The following GAS2 variants were observed in gnomAD, a reference collection of about 807,000 sequenced individuals.
The protein encoded by GAS2 is growth arrest-specific protein 2.
Under a neutral mutation model 37.5 loss-of-function variants are expected in GAS2, and 20 were observed. That is an observed-to-expected ratio of 0.53 (90% CI 0.37 to 0.77). The LOEUF (loss-of-function observed/expected upper bound fraction) is 0.77, where lower values mean the gene tolerates loss of function less well. GAS2 is among the 30% of genes least tolerant of loss of function. The probability of loss-of-function intolerance (pLI) is 0.00; values close to 1 mark genes in which losing one functional copy is unlikely to be tolerated. For missense variants in GAS2, 336 were observed against 373.4 expected (o/e 0.90, Z 0.82); for synonymous variants, 144 against 132.2 (o/e 1.09, Z -0.61).
chr11:22,730,944 GTTTTT>G (rs1554975645), intron 4 of GAS2, among the ~76,000 whole-genome samples: 7 of 151,652 alleles, frequency 4.6e-5, no homozygotes, highest in Non-Finnish European at 7.4e-5. Context: ...GATGTTGAGT[GTTTTT>G]ATGGGGCTAA....
intron 1 of GAS2, among the ~76,000 whole-genome samples, chr11:22,641,324 T>TTATATATATTTA (rs1453970402): frequency 2.1e-5 from 2 of 93,052 alleles, no homozygotes; most frequent in Non-Finnish European, 5.3e-5. Context: ...TTATATATCT[T>TTATATATATTTA]TATATATATA....
intron 3 of GAS2, chr11:22,702,697 A>G (rs1850909867): frequency 6.6e-6 from 1 of 152,122 alleles, no homozygotes; most frequent in South Asian, 2.1e-4. Flanking sequence ...GCAAAAAGCC[A>G]TTTCCCCAAT....
chr11:22,690,884 C>T (rs1850215999), intron 3 of GAS2, among the ~76,000 whole-genome samples: 1 of 152,164 alleles, frequency 6.6e-6, no homozygotes, highest in Non-Finnish European at 1.5e-5. Context: ...CCCCCACCCC[C>T]ACCAATCACA....
chr11:22,811,372 A>C (rs1480973691), intron 7 of GAS2, among the ~76,000 whole-genome samples: 2 of 152,178 alleles, frequency 1.3e-5, no homozygotes, highest in African/African-American at 4.8e-5. Flanking sequence ...TTAGCATTGT[A>C]ATTCAGTAGC....
At chr11:22,628,175 A>G (rs1035665939) in intron 1 of GAS2, among the ~76,000 whole-genome samples, 5 of 152,192 alleles carry the variant, frequency 3.3e-5, no homozygotes, top group African/African-American at 1.2e-4. Flanking sequence ...TTCAACCTAT[A>G]TTCTTGAGGC....
chr11:22,798,159 C>T (rs1031535223), intron 7 of GAS2, among the ~76,000 whole-genome samples: 9 of 151,984 alleles, frequency 5.9e-5, no homozygotes, highest in Non-Finnish European at 1.3e-4. Flanking sequence ...ATAATGCAAA[C>T]CACTTAGAGT....
rs527602842 is a variant in GAS2, at chr11:22,647,008, G to A, written c.-21+21195G>A. 2.4e-4 allele frequency among the ~76,000 whole-genome samples: 36 copies of A among 151,048 alleles called. No homozygotes were observed. The South Asian group carries it at 4.4e-3, about 18-fold the overall frequency. On this transcript the variant is annotated intron_variant, in intron 1 of 5. Transcript: ENST00000528582. ...ACATATGTATACATGTGCCATGCTG[G>A]TGCACTGCACCCACTAACTCGTCAT... is the stretch of plus-strand genomic sequence containing the variant.
chr11:22,663,453 G>A (rs1356029712), upstream of GAS2, among the ~76,000 whole-genome samples: 2 of 151,506 alleles, frequency 1.3e-5, no homozygotes, highest in East Asian at 1.9e-4. Context: ...AAGTAGATAA[G>A]ACAAATGGCA....
chr11:22,780,541 G>GAAAAAAAAAAAAAAAAACA (rs1855506473), intron 7 of GAS2, among the ~76,000 whole-genome samples: 1 of 126,532 alleles, frequency 7.9e-6, no homozygotes. Context: ...CTGGGCAACA[G>GAAAAAAAAAAAAAAAAACA]AGCAAGACTC....
At chr11:22,664,730 G>A (rs1590587498), upstream of GAS2, among the ~76,000 whole-genome samples, 1 of 152,116 alleles carries the variant, frequency 6.6e-6, no homozygotes, top group East Asian at 1.9e-4. Context: ...ATATCAGTGA[G>A]TGATCAGAAT....
At chr11:22,741,309 T>C (rs1853065412) in intron 5 of GAS2, among the ~76,000 whole-genome samples, 1 of 34,996 alleles carries the variant, frequency 2.9e-5, no homozygotes, top group Non-Finnish European at 5.7e-5. Flanking sequence ...TGTGTTTGAC[T>C]TGTGAAAAGT....
intron 2 of GAS2, among the ~76,000 whole-genome samples, chr11:22,680,894 C>G (rs1387898299): frequency 6.6e-6 from 1 of 152,090 alleles, no homozygotes. Flanking sequence ...CCTCTACCCT[C>G]GAATTGGGTG....
intron 1 of GAS2, among the ~76,000 whole-genome samples, chr11:22,655,972 G>A (rs985269849): frequency 6.6e-6 from 1 of 152,126 alleles, no homozygotes; most frequent in East Asian, 1.9e-4. Context: ...TGGGTCATAC[G>A]TTCTTCCACT....
At chr11:22,662,883 AAAAAAAAAAAAAT>A (rs528593303), upstream of GAS2, among the ~76,000 whole-genome samples, 8 of 151,788 alleles carry the variant, frequency 5.3e-5, no homozygotes, top group South Asian at 1.0e-3. Flanking sequence ...TGTCTCTGCA[AAAAAAAAAAAAAT>A]AAAAATAAAA....
At chr11:22,673,014 A>G (rs1199055185) in intron 1 of GAS2, among the ~76,000 whole-genome samples, 3 of 152,136 alleles carry the variant, frequency 2.0e-5, no homozygotes, top group Non-Finnish European at 4.4e-5. Context: ...TCAATGGTTG[A>G]CTTTAGATAG....
chr11:22,682,752 C>T (rs368465759), intron 2 of GAS2, among the ~76,000 whole-genome samples: 1 of 151,316 alleles, frequency 6.6e-6, no homozygotes, highest in Admixed American at 6.6e-5. Context: ...GTAGTGCATG[C>T]CTGTAGTCCC....
At chr11:22,637,192 T>G (rs181692761) in intron 1 of GAS2, among the ~76,000 whole-genome samples, 5,124 of 96,698 alleles carry the variant, frequency 0.053, 940 homozygotes, top group East Asian at 0.088. Flanking sequence ...TATGTTAATA[T>G]TATATTAATA....
chr11:22,686,211 T>G (rs190951898), intron 3 of GAS2, among the ~76,000 whole-genome samples: 2 of 152,306 alleles, frequency 1.3e-5, no homozygotes, highest in African/African-American at 4.8e-5. Context: ...TTTTGGTTTA[T>G]TCTAAATAAG....
At chr11:22,728,701 C>T (rs1852333154) in intron 4 of GAS2, among the ~76,000 whole-genome samples, 1 of 151,606 alleles carries the variant, frequency 6.6e-6, no homozygotes, top group African/African-American at 2.4e-5. Context: ...CAGAATAGAA[C>T]CCAAAGTGAT....
Sources: allele counts gnomAD v4.1 joint callset (sites outside exome capture counted in the v4.1 genomes callset), GRCh38; gene constraint gnomAD v4.1.1; transcripts MANE v1.5; gene names NCBI Gene and HGNC (gene_info 2026-07-23, HGNC 2026-07-21).